The following GRIK1 variants were observed in gnomAD, a reference collection of about 807,000 sequenced individuals.
GRIK1 encodes the protein glutamate ionotropic receptor kainate type subunit 1.
GRIK1 carries 69 observed loss-of-function variants against 105.7 expected under a neutral mutation model. That is an observed-to-expected ratio of 0.65 (90% CI 0.54 to 0.80). GRIK1 has a LOEUF of 0.80. GRIK1 is among the 30% of genes least tolerant of loss of function. The probability of loss-of-function intolerance (pLI) is 0.00; values close to 1 mark genes in which losing one functional copy is unlikely to be tolerated. For synonymous variants in GRIK1, 438 were observed against 431.3 expected, an observed-to-expected ratio of 1.02 and a Z score of -0.19; for missense variants, 1,109 against 1,167.3, an observed-to-expected ratio of 0.95 and a Z score of 0.73.
chr21:29,801,240 T>C (rs898655438), intron 1 of GRIK1, among the ~76,000 whole-genome samples: 3 of 151,796 alleles, frequency 2.0e-5, no homozygotes, highest in Admixed American at 1.3e-4. Context: ...TTCTATTAGG[T>C]GGGTACAAAA....
chr21:29,742,431 A>G (rs1204723183), intron 1 of GRIK1, among the ~76,000 whole-genome samples: 1 of 152,230 alleles, frequency 6.6e-6, no homozygotes, highest in Non-Finnish European at 1.5e-5. Context: ...TGGACCCAGA[A>G]CAACACTGTA....
chr21:29,634,880 G>A (rs1489802182), intron 7 of GRIK1, among the ~76,000 whole-genome samples: 1 of 152,158 alleles, frequency 6.6e-6, no homozygotes, highest in Non-Finnish European at 1.5e-5. Flanking sequence ...ACTGGATGGT[G>A]GACACAGGAA....
Position 29,734,178 on chromosome 21 carries a change from A to C in GRIK1, c.119-40115T>G, listed in dbSNP as rs75690780. 1.2e-4 allele frequency among the ~76,000 whole-genome samples: 19 copies of C among 152,102 alleles called. No individual in the cohort carries two copies. The East Asian group carries it at 3.7e-3, about 29-fold the overall frequency. ...AGAGGCTTATAAATAAAAATGCCCC[A>C]CTTCCAAGCACCTCCATCACTACCA... On this transcript the variant is annotated intron_variant, in intron 1 of 17. Transcript: ENST00000327783.
chr21:29,828,078 T>C (rs2067521747), intron 1 of GRIK1, among the ~76,000 whole-genome samples: 1 of 151,460 alleles, frequency 6.6e-6, no homozygotes, highest in Non-Finnish European at 1.5e-5. Context: ...ATTAAGGTAA[T>C]AGACTTTCTC....
chr21:29,910,851 GA>G (rs1283914349), intron 1 of GRIK1, among the ~76,000 whole-genome samples: 4 of 151,906 alleles, frequency 2.6e-5, no homozygotes, highest in African/African-American at 7.2e-5. Flanking sequence ...TTGCCTATGA[GA>G]AAGCATGATT....
chr21:29,693,443 A>G (rs570788810), intron 2 of GRIK1, among the ~76,000 whole-genome samples: 1 of 152,346 alleles, frequency 6.6e-6, no homozygotes, highest in Admixed American at 6.5e-5. Context: ...AGAGTAAAAA[A>G]AAGTTGAGAG....
chr21:29,840,022 C>A (rs2067932156), intron 1 of GRIK1, among the ~76,000 whole-genome samples: 1 of 152,142 alleles, frequency 6.6e-6, no homozygotes, highest in Admixed American at 6.5e-5. Flanking sequence ...GTCAGTGATG[C>A]TCAAGTATGG....
At chr21:29,904,027 G>T (rs1174726990) in intron 1 of GRIK1, among the ~76,000 whole-genome samples, 1 of 152,114 alleles carries the variant, frequency 6.6e-6, no homozygotes, top group Non-Finnish European at 1.5e-5. Flanking sequence ...CACAAGATCA[G>T]AAAATCAAAC....
intron 7 of GRIK1, among the ~76,000 whole-genome samples, chr21:29,623,321 C>T (rs926753058): frequency 6.6e-6 from 1 of 152,128 alleles, no homozygotes; most frequent in African/African-American, 2.4e-5. Context: ...TTACCTCTCA[C>T]AGGGTCCTTC....
At position 29,628,974 on chromosome 21, in the gene GRIK1, ATATT is replaced by A. The variant is rs199720329; in HGVS notation, c.1098+13848_1098+13851del. On this transcript the variant is annotated intron_variant, in intron 7 of 17. Coordinates refer to ENST00000327783, the MANE Select transcript of GRIK1 (RefSeq NM_001330994.2). ...TGAGTGAGATATTATATTTAAAGAA[ATATT>A]TATTTATTTAGTCACCAAGATTTAT... Among the ~76,000 whole-genome samples, 77 of 152,232 alleles carry A rather than the reference ATATT, an allele frequency of 5.1e-4. No individual in the cohort carries two copies. In the East Asian group the frequency reaches 0.012, roughly 24 times the overall value.
intron 1 of GRIK1, among the ~76,000 whole-genome samples, chr21:29,744,967 A>T (rs533583747): frequency 2.0e-5 from 3 of 152,132 alleles, no homozygotes; most frequent in African/African-American, 7.2e-5. Context: ...AATGATCCCC[A>T]CCTTCTGGCA....
chr21:29,583,190 A>G (rs927572651), intron 12 of GRIK1, among the ~76,000 whole-genome samples: 2 of 152,152 alleles, frequency 1.3e-5, no homozygotes, highest in African/African-American at 4.8e-5. Context: ...TGATGAATAT[A>G]GCTTTAATTG....
Position 29,908,465 on chromosome 21 carries a change from GA to G in GRIK1, c.118+30917del, listed in dbSNP as rs1469132300. ...AGCTGGCCAAATCTTCAGCACGGTG[GA>G]AAGGAAGCCGAACAGCAGAGCGTAC... On this transcript the variant is annotated intron_variant, in intron 1 of 17. Coordinates refer to ENST00000327783, the MANE Select transcript of GRIK1 (RefSeq NM_001330994.2). 3.9e-5 allele frequency among the ~76,000 whole-genome samples: 6 copies of G among 152,174 alleles called. No homozygotes were observed. The East Asian group carries it at 1.2e-3, about 29-fold the overall frequency.
At chr21:29,599,732 G>T (rs996655025) in intron 7 of GRIK1, among the ~76,000 whole-genome samples, 11 of 152,192 alleles carry the variant, frequency 7.2e-5, no homozygotes, top group African/African-American at 2.4e-4. Flanking sequence ...GGAGGTTGTG[G>T]TGAGCCGAGA....
chr21:29,824,685 G>C (rs1235214233), intron 1 of GRIK1, among the ~76,000 whole-genome samples: 1 of 151,398 alleles, frequency 6.6e-6, no homozygotes, highest in Admixed American at 6.6e-5. Flanking sequence ...TGAATGTGGC[G>C]AGAAGTCATT....
chr21:29,888,195 TTC>T (rs780446480), intron 1 of GRIK1, among the ~76,000 whole-genome samples: 10 of 22,188 alleles, frequency 4.5e-4, no homozygotes, highest in African/African-American at 6.4e-4. Flanking sequence ...CTTTCTTTCT[TTC>T]TCTCTCTCTC....
chr21:29,860,496 C>A (rs2068602808), intron 1 of GRIK1, among the ~76,000 whole-genome samples: 1 of 152,194 alleles, frequency 6.6e-6, no homozygotes, highest in Non-Finnish European at 1.5e-5. Flanking sequence ...CCTGAGCTCC[C>A]TTCCTGAATG....
At chr21:29,875,098 C>T (rs747049380) in intron 1 of GRIK1, among the ~76,000 whole-genome samples, 51 of 150,884 alleles carry the variant, frequency 3.4e-4, no homozygotes, top group Non-Finnish European at 8.8e-5. Context: ...AATAATTAGA[C>T]TTGCAAAGAC....
chr21:29,842,908 A>C (rs559731730), intron 1 of GRIK1, among the ~76,000 whole-genome samples: 1 of 152,338 alleles, frequency 6.6e-6, no homozygotes, highest in Admixed American at 6.5e-5. Flanking sequence ...TGTTGCATTT[A>C]ATGACTGATT....
Sources: allele counts gnomAD v4.1 joint callset (sites outside exome capture counted in the v4.1 genomes callset), GRCh38; gene constraint gnomAD v4.1.1; transcripts MANE v1.5; gene names NCBI Gene and HGNC (gene_info 2026-07-23, HGNC 2026-07-21).